The following ULK4 variants were observed in gnomAD, a reference collection of about 807,000 sequenced individuals.
ULK4 encodes the protein inactive serine/threonine-protein kinase ULK4.
ULK4 carries 133 observed loss-of-function variants against 160.6 expected under a neutral mutation model. That is an observed-to-expected ratio of 0.83 (90% CI 0.72 to 0.96). ULK4 has a LOEUF of 0.96. Among genes scored for constraint, ULK4 ranks in the 40% least tolerant of loss-of-function variants. ULK4 has a pLI of 0.00. For missense variants in ULK4, 1,580 were observed against 1,499.5 expected (o/e 1.05, Z -0.89); for synonymous variants, 534 against 539.8 (o/e 0.99, Z 0.15).
At chr3:41,354,808 T>C (rs796289327) in intron 35 of ULK4, among the ~76,000 whole-genome samples, 4 of 152,342 alleles carry the variant, frequency 2.6e-5, no homozygotes, top group African/African-American at 9.6e-5. Context: ...TACAGACACA[T>C]GTAATTGCAG....
chr3:41,465,047 A>G (rs1291010745), intron 32 of ULK4, among the ~76,000 whole-genome samples: 3 of 152,206 alleles, frequency 2.0e-5, no homozygotes, highest in Non-Finnish European at 4.4e-5. Flanking sequence ...TCCCAAGGGA[A>G]GGTTCTCAGA....
At chr3:41,421,815 A>G (rs2082670778) in intron 34 of ULK4, among the ~76,000 whole-genome samples, 1 of 152,162 alleles carries the variant, frequency 6.6e-6, no homozygotes, top group African/African-American at 2.4e-5. Context: ...ACTCCAAATC[A>G]TTTAGATAGC....
chr3:41,282,165 T>C (rs1231890418), intron 35 of ULK4, among the ~76,000 whole-genome samples: 2 of 152,118 alleles, frequency 1.3e-5, no homozygotes, highest in Non-Finnish European at 2.9e-5. Context: ...CACAAACAAA[T>C]GGACTAACAT....
rs565291616 is a variant in ULK4, at chr3:41,626,279, A to C, written c.3072-10562T>G. 2.6e-3 allele frequency among the ~76,000 whole-genome samples: 398 copies of C among 152,240 alleles called. 1 individual carries two copies. Among genetic ancestry groups the C allele is most frequent in the Non-Finnish European group, 4.3e-3 (289 of 67,988 alleles). On this transcript the variant is annotated intron_variant, in intron 30 of 36. Transcript: ENST00000301831. ...CCTTAATGTTGGAAAAAAATTTTTT[A>C]ATTTATTTATTAATGTTTGATAGTC...
At chr3:41,308,758 G>A (rs1173299778) in intron 35 of ULK4, among the ~76,000 whole-genome samples, 3 of 152,178 alleles carry the variant, frequency 2.0e-5, no homozygotes, top group Admixed American at 1.3e-4. Context: ...GCTCATTGGA[G>A]CATTTCAGAT....
At chr3:41,713,078 C>CA (rs1265738297) in intron 25 of ULK4, among the ~76,000 whole-genome samples, 30 of 146,982 alleles carry the variant, frequency 2.0e-4, no homozygotes, top group African/African-American at 5.3e-4. Context: ...CCACTACCAC[C>CA]AAAAAAAAGA....
At chr3:41,559,084 T>C (rs1272936328) in intron 32 of ULK4, among the ~76,000 whole-genome samples, 1 of 149,374 alleles carries the variant, frequency 6.7e-6, no homozygotes, top group East Asian at 2.0e-4. Context: ...TGTCCATATG[T>C]TCTCATTGTT....
At chr3:41,688,244 T>C (rs370248790) in intron 27 of ULK4, among the ~76,000 whole-genome samples, 1 of 150,838 alleles carries the variant, frequency 6.6e-6, no homozygotes, top group African/African-American at 2.4e-5. Flanking sequence ...GACCTGAATC[T>C]GGCTCACTAC....
chr3:41,597,508 T>C (rs911339050), intron 31 of ULK4, among the ~76,000 whole-genome samples: 4 of 152,324 alleles, frequency 2.6e-5, no homozygotes, highest in South Asian at 2.1e-4. Context: ...TTTAGGCAGA[T>C]AGTCCAGGCA....
chr3:41,530,351 G>A (rs2086261951), intron 32 of ULK4, among the ~76,000 whole-genome samples: 3 of 152,156 alleles, frequency 2.0e-5, no homozygotes, highest in Non-Finnish European at 2.9e-5. Flanking sequence ...CGAAATGTCC[G>A]GGACCATCAA....
intron 30 of ULK4, among the ~76,000 whole-genome samples, chr3:41,647,756 C>G (rs375375597): frequency 6.4e-4 from 97 of 152,306 alleles, no homozygotes; most frequent in Admixed American, 1.6e-3. Context: ...AGTCTGCAGA[C>G]GTTACTGCTG....
At chr3:41,667,719 T>C (rs2035394572) in intron 29 of ULK4, among the ~76,000 whole-genome samples, 1 of 152,154 alleles carries the variant, frequency 6.6e-6, no homozygotes, top group African/African-American at 2.4e-5. Context: ...AACCTCACAC[T>C]TCTTCCTCTA....
At chr3:41,606,364 G>A (rs1426391774) in intron 31 of ULK4, among the ~76,000 whole-genome samples, 3 of 151,886 alleles carry the variant, frequency 2.0e-5, no homozygotes, top group South Asian at 2.1e-4. Context: ...TGCCACATTT[G>A]CTTTATCCAT....
chr3:41,840,895 C>T (rs1216614231), intron 17 of ULK4, among the ~76,000 whole-genome samples: 2 of 151,672 alleles, frequency 1.3e-5, no homozygotes, highest in African/African-American at 4.9e-5. Flanking sequence ...TGAGGAGCGC[C>T]TCTGCCCTGC....
intron 35 of ULK4, among the ~76,000 whole-genome samples, chr3:41,284,413 C>G (rs961223409): frequency 6.6e-6 from 1 of 151,986 alleles, no homozygotes; most frequent in Non-Finnish European, 1.5e-5. Flanking sequence ...ACCGATGGAA[C>G]AGAATAGAAA....
intron 32 of ULK4, among the ~76,000 whole-genome samples, chr3:41,523,051 G>A (rs1169833275): frequency 6.6e-6 from 1 of 152,076 alleles, no homozygotes; most frequent in Non-Finnish European, 1.5e-5. Context: ...TGAGACTACA[G>A]GCATTCACCA....
In ULK4 at chr3:41,449,134, T is replaced by C. The variant is rs982429037; in HGVS notation, c.3492+6363A>G. 2.6e-5 allele frequency among the ~76,000 whole-genome samples: 4 copies of C among 152,104 alleles called. No homozygotes were observed. In the East Asian group the frequency reaches 7.7e-4, roughly 29 times the overall value. On this transcript the variant is annotated intron_variant, in intron 34 of 36. Coordinates refer to ENST00000301831, the MANE Select transcript of ULK4 (RefSeq NM_017886.4). Reference sequence around the variant, plus strand: ...GGTTTCACCATACTGGCCAGGCTGGTCTCAAACTCCTGACCTCAAGTGATC... The same window carrying C: ...GGTTTCACCATACTGGCCAGGCTGGCCTCAAACTCCTGACCTCAAGTGATC...
At chr3:41,649,246 T>C (rs1258733398) in intron 30 of ULK4, among the ~76,000 whole-genome samples, 1 of 152,042 alleles carries the variant, frequency 6.6e-6, no homozygotes, top group Non-Finnish European at 1.5e-5. Flanking sequence ...CAGCGGCCCA[T>C]TTGGAGCGGC....
At chr3:41,379,974 G>A (rs2081610784) in intron 35 of ULK4, among the ~76,000 whole-genome samples, 1 of 152,168 alleles carries the variant, frequency 6.6e-6, no homozygotes, top group South Asian at 2.1e-4. Context: ...GCATGAACAA[G>A]TGCACTGAGA....
Sources: gnomAD v4.1 joint callset for allele counts (sites outside exome capture counted in the v4.1 genomes callset) on GRCh38, gnomAD v4.1.1 for gene constraint, MANE v1.5 for transcripts, NCBI Gene and HGNC (gene_info 2026-07-23, HGNC 2026-07-21) for gene names.